The following NUCB2 variants were observed in gnomAD, a reference collection of about 807,000 sequenced individuals.
The protein encoded by NUCB2 is nucleobindin-2.
A neutral mutation model predicts 57.9 loss-of-function variants in NUCB2; 48 were observed. The ratio of observed to expected loss-of-function variants is 0.83; its 90% CI spans 0.66 to 1.05. NUCB2 has a LOEUF of 1.05. NUCB2 is among the 50% of genes least tolerant of loss of function. The pLI is 0.00. For synonymous variants in NUCB2, 139 were observed against 152.1 expected, an observed-to-expected ratio of 0.91 and a Z score of 0.64; for missense variants, 442 against 476.2, an observed-to-expected ratio of 0.93 and a Z score of 0.67.
At chr11:17,290,451 C>T (rs1159586219) in intron 2 of NUCB2, among the ~76,000 whole-genome samples, 1 of 152,080 alleles carries the variant, frequency 6.6e-6, no homozygotes, top group Non-Finnish European at 1.5e-5. Flanking sequence ...GCTTATGCCT[C>T]TAATCCCAGC....
chr11:17,294,588 T>G (rs767098574), intron 2 of NUCB2, among the ~76,000 whole-genome samples: 1 of 151,234 alleles, frequency 6.6e-6, no homozygotes, highest in Non-Finnish European at 1.5e-5. Flanking sequence ...AATGTGTCAC[T>G]CTCCTGTGTA....
intron 4 of NUCB2, among the ~76,000 whole-genome samples, chr11:17,296,487 A>G (rs1436063609): frequency 2.0e-5 from 3 of 152,248 alleles, no homozygotes; most frequent in Non-Finnish European, 2.9e-5. Flanking sequence ...AGGGAAAATC[A>G]TATCCAGAAA....
intron 10 of NUCB2, among the ~76,000 whole-genome samples, chr11:17,312,405 ATTTTTTT>A (rs201161740): frequency 7.3e-6 from 1 of 137,608 alleles, no homozygotes; most frequent in South Asian, 2.3e-4. Context: ...CCTACCTAAT[ATTTTTTT>A]TTTTTTTTTG....
chr11:17,311,712 A>G, intron 8 of NUCB2, 160 bp from the exon 9 acceptor site: 1 of 524,402 alleles, frequency 1.9e-6, no homozygotes, highest in Non-Finnish European at 3.4e-6. Flanking sequence ...TTATCAGTTC[A>G]GCTGATCTAA....
intron 2 of NUCB2, among the ~76,000 whole-genome samples, chr11:17,291,923 T>G (rs1945011145): frequency 6.6e-6 from 1 of 152,210 alleles, no homozygotes; most frequent in Non-Finnish European, 1.5e-5. Flanking sequence ...CCAACATAAT[T>G]TTAAGCTGGC....
chr11:17,292,820 G>C (rs79786256), intron 2 of NUCB2, among the ~76,000 whole-genome samples: 2,356 of 152,280 alleles, frequency 0.015, 63 homozygotes, highest in African/African-American at 0.054. Flanking sequence ...ATACTGCTTG[G>C]TACATAGTAA....
At chr11:17,282,412 C>G (rs1055026037) in intron 1 of NUCB2, among the ~76,000 whole-genome samples, 4 of 151,924 alleles carry the variant, frequency 2.6e-5, no homozygotes, top group Non-Finnish European at 5.9e-5. Context: ...GCACCTGCCA[C>G]TATGCCCGGC....
At chr11:17,292,151 TA>T (rs1945049741) in intron 2 of NUCB2, among the ~76,000 whole-genome samples, 1 of 152,178 alleles carries the variant, frequency 6.6e-6, no homozygotes, top group Non-Finnish European at 1.5e-5. Context: ...TTCTCTTATT[TA>T]AAATTTTTTT....
chr11:17,290,674 CAG>C (rs1944769566), intron 2 of NUCB2, among the ~76,000 whole-genome samples: 1 of 151,866 alleles, frequency 6.6e-6, no homozygotes, highest in African/African-American at 2.4e-5. Context: ...TAAAAATTAA[CAG>C]AATTATAAGG....
At chr11:17,322,361 A>G (rs532103087) in intron 11 of NUCB2, among the ~76,000 whole-genome samples, 4 of 152,130 alleles carry the variant, frequency 2.6e-5, no homozygotes, top group East Asian at 1.9e-4. Context: ...ATTTTCCCCA[A>G]TGTATGTTCT....
intron 11 of NUCB2, among the ~76,000 whole-genome samples, chr11:17,324,255 T>G (rs549936564): frequency 6.6e-6 from 1 of 152,318 alleles, no homozygotes; most frequent in East Asian, 1.9e-4. Flanking sequence ...GTATTTCCAT[T>G]ATCATTTGTT....
chr11:17,331,401 T>G lies in NUCB2; in HGVS notation c.1256-11T>G. On this transcript the variant is annotated splice_polypyrimidine_tract_variant and intron_variant, in intron 13 of 13. Coordinates refer to ENST00000529010, the MANE Select transcript of NUCB2 (RefSeq NM_005013.4). ...CTTTTAAAATAAGAACTTTTTTCTT[T>G]TTTCCAACAGACATTTAAAGTCTGA... The G allele has an allele frequency of 7.0e-7, 1 of 1,437,438 alleles. No individual in the cohort carries two copies. The highest frequency in any genetic ancestry group is 1.9e-4 in the Middle Eastern group (1 of 5,302). The allele number at this position is 1,437,438 out of a possible 1,614,324, so 89.0% of individuals were successfully genotyped here.
chr11:17,335,656 C>T (rs536468154), downstream of NUCB2, among the ~76,000 whole-genome samples: 3 of 152,288 alleles, frequency 2.0e-5, no homozygotes, highest in Non-Finnish European at 4.4e-5. Context: ...CACCTGCCAC[C>T]GTGCCTGGCT....
chr11:17,330,286 G>C lies in NUCB2; in HGVS notation c.1162G>C (p.Glu388Gln). 1 of 1,596,902 alleles carries C rather than the reference G, an allele frequency of 6.3e-7. No homozygotes were observed. ...TGATCAACTGGAGGCTCAGAAGCTG[G>C]AATATCATCAGGTGGCATTTTGTCA... ...QHDQLEAQKL[E>Q]YHQVIQQMEQ... The change falls in exon 12 of 14, where the codon GAA becomes CAA. Residue 388 changes from glutamate to glutamine, a missense_variant. Coordinates refer to ENST00000529010, the MANE Select transcript of NUCB2 (RefSeq NM_005013.4). The surrounding 1 kb of genome is among the most constrained non-coding windows in gnomAD (Gnocchi z 4.3).
chr11:17,335,997 C>G (rs575404740), downstream of NUCB2, among the ~76,000 whole-genome samples: 1 of 152,234 alleles, frequency 6.6e-6, no homozygotes, highest in East Asian at 1.9e-4. Context: ...TTATAATATA[C>G]TTAAGTAGAG....
intron 2 of NUCB2, among the ~76,000 whole-genome samples, chr11:17,343,593 T>G (rs117048215): frequency 0.014 from 2,145 of 152,344 alleles, 33 homozygotes; most frequent in Non-Finnish European, 0.022. Flanking sequence ...TTGTTTTACT[T>G]TTGAATTTTA....
At chr11:17,284,672 A>G (rs1295143532) in intron 2 of NUCB2, among the ~76,000 whole-genome samples, 1 of 151,398 alleles carries the variant, frequency 6.6e-6, no homozygotes, top group Non-Finnish European at 1.5e-5. Context: ...CTCAAACAAA[A>G]TAATCAGGAG....
downstream of NUCB2, among the ~76,000 whole-genome samples, chr11:17,334,763 A>G (rs189558352): frequency 6.6e-6 from 1 of 152,050 alleles, no homozygotes; most frequent in Non-Finnish European, 1.5e-5. Context: ...GTGCACACCT[A>G]TAGTCCCAGC....
intron 4 of NUCB2, among the ~76,000 whole-genome samples, chr11:17,297,449 G>A (rs1415394984): frequency 6.6e-6 from 1 of 152,134 alleles, no homozygotes; most frequent in Non-Finnish European, 1.5e-5. Context: ...TGGGGAAAAG[G>A]TAATAGTGTT....
Sources: gnomAD v4.1 joint callset for allele counts (sites outside exome capture counted in the v4.1 genomes callset) on GRCh38, gnomAD v4.1.1 for gene constraint, Gnocchi (gnomAD v3.1) non-coding constraint, MANE v1.5 for transcripts, NCBI Gene and HGNC (gene_info 2026-07-23, HGNC 2026-07-21) for gene names.